PLEKHG1: variants seen among roughly 807,000 people sequenced by gnomAD.
PLEKHG1 encodes pleckstrin homology and RhoGEF domain containing G1, also known as pleckstrin homology domain-containing family G member 1.
Under a neutral mutation model 100.8 loss-of-function variants are expected in PLEKHG1, and 44 were observed. The ratio of observed to expected loss-of-function variants is 0.44; its 90% CI spans 0.34 to 0.56. The LOEUF (loss-of-function observed/expected upper bound fraction) is 0.56, where lower values mean the gene tolerates loss of function less well. Ranked by LOEUF, PLEKHG1 falls within the 20% of genes least tolerant of loss-of-function variation. PLEKHG1 has a pLI of 0.01. For missense variants in PLEKHG1, 1,545 were observed against 1,720.9 expected (o/e 0.90, Z 1.81); for synonymous variants, 640 against 662.5 (o/e 0.97, Z 0.52).
chr6:150,683,249 G>A lies in PLEKHG1; in HGVS notation c.-99+32463G>A, dbSNP rs1779995650. On this transcript the variant is annotated intron_variant, in intron 3 of 3. Coordinates refer to the PLEKHG1 transcript ENST00000367326. This position sits in a 1 kb window ranked among gnomAD's most constrained non-coding sequence, Gnocchi z 4.0. ...GTCAACTCGTCATGATAGGACATTA[G>A]CAACAAACACCCATGAACGAAAGTT... Among the ~76,000 whole-genome samples, 1 of 152,200 alleles carries A rather than the reference G, an allele frequency of 6.6e-6. No homozygotes were observed. The highest frequency in any genetic ancestry group is 2.1e-4 in the South Asian group (1 of 4,824).
At chr6:150,701,810 CT>C (rs1165381215) in intron 3 of PLEKHG1, among the ~76,000 whole-genome samples, 1 of 151,932 alleles carries the variant, frequency 6.6e-6, no homozygotes, top group East Asian at 1.9e-4. Flanking sequence ...CTCTTTAAGC[CT>C]TTTGAAGCTT....
chr6:150,774,690 G>A (rs1784870677), intron 3 of PLEKHG1, among the ~76,000 whole-genome samples: 1 of 151,560 alleles, frequency 6.6e-6, no homozygotes, highest in African/African-American at 2.4e-5. Flanking sequence ...ACAGGCACAG[G>A]CCACCACGCC....
intron 7 of PLEKHG1, among the ~76,000 whole-genome samples, chr6:150,805,226 C>T (rs1786999197): frequency 1.3e-5 from 2 of 152,218 alleles, no homozygotes; most frequent in Non-Finnish European, 2.9e-5. Flanking sequence ...TGAGCCACCA[C>T]ACCCGGCCGA....
intron 1 of PLEKHG1, among the ~76,000 whole-genome samples, chr6:150,629,469 T>C (rs1279031223): frequency 1.4e-5 from 2 of 142,534 alleles, no homozygotes; most frequent in African/African-American, 2.5e-5. Context: ...AAACCATCCT[T>C]TTTTTTTTTG....
At chr6:150,822,177 A>AAAAAAC (rs1278144184) in intron 13 of PLEKHG1, among the ~76,000 whole-genome samples, 1 of 124,320 alleles carries the variant, frequency 8.0e-6, no homozygotes, top group Admixed American at 8.5e-5. Context: ...AAAAAAAAAA[A>AAAAAAC]AGAATAGGGC....
At chr6:150,787,067 A>T (rs2128653040) in intron 4 of PLEKHG1, among the ~76,000 whole-genome samples, 1 of 151,976 alleles carries the variant, frequency 6.6e-6, no homozygotes, top group Non-Finnish European at 1.5e-5. Flanking sequence ...TGAATGTTAG[A>T]AAAATATAAA....
Position 150,800,753 on chromosome 6 carries a change from A to C in PLEKHG1, c.664A>C (p.Lys222Gln), listed in dbSNP as rs1191095795. ...TGTGCTAACAGAGTGTATGAGGAAC[A>C]AGATACTGGCCAAATTCTTCAGGGA... Residue 222 changes from lysine to glutamine, a missense_variant, in exon 6 of 16, where the codon AAG (lysine) becomes CAG (glutamine). By Grantham distance (53) the Lys-to-Gln change is moderately conservative. Coordinates refer to ENST00000358517, the Ensembl canonical transcript of PLEKHG1. 3.7e-6 allele frequency: 6 copies of C among 1,614,040 alleles called. No homozygotes were observed. The East Asian group carries it at 1.1e-4, about 30-fold the overall frequency.
chr6:150,838,606 G>T (rs1777353710), intron 15 of PLEKHG1, among the ~76,000 whole-genome samples: 1 of 152,052 alleles, frequency 6.6e-6, no homozygotes, highest in African/African-American at 2.4e-5. Flanking sequence ...GTCATCTCTG[G>T]GCTCCCATCT....
chr6:150,641,023 C>T (rs1285878132), intron 2 of PLEKHG1, among the ~76,000 whole-genome samples: 1 of 152,100 alleles, frequency 6.6e-6, no homozygotes, highest in Non-Finnish European at 1.5e-5. Context: ...AGAGAATGCT[C>T]TAGCTTATCT....
chr6:150,759,088 G>C (rs535182169), intron 2 of PLEKHG1, among the ~76,000 whole-genome samples: 36 of 152,334 alleles, frequency 2.4e-4, no homozygotes, highest in African/African-American at 8.7e-4. Context: ...GAGGGATCAA[G>C]TGGCCCACCG....
At chr6:150,707,471 A>G (rs945339782) in intron 3 of PLEKHG1, among the ~76,000 whole-genome samples, 1 of 152,142 alleles carries the variant, frequency 6.6e-6, no homozygotes, top group Admixed American at 6.5e-5. Flanking sequence ...CAGATCATAT[A>G]AAGGAGTGGC....
chr6:150,649,705 T>C (rs533605111), intron 2 of PLEKHG1, among the ~76,000 whole-genome samples: 1 of 152,060 alleles, frequency 6.6e-6, no homozygotes, highest in Non-Finnish European at 1.5e-5. Context: ...GGTGAAACCC[T>C]GTCGCTACTA....
intron 3 of PLEKHG1, among the ~76,000 whole-genome samples, chr6:150,707,197 T>C (rs1378018129): frequency 6.6e-6 from 1 of 151,354 alleles, no homozygotes; most frequent in Non-Finnish European, 1.5e-5. Flanking sequence ...TAGAGACGGG[T>C]TTTGCCATGT....
intron 1 of PLEKHG1, among the ~76,000 whole-genome samples, chr6:150,721,566 C>T (rs771671452): frequency 6.6e-6 from 1 of 152,150 alleles, no homozygotes; most frequent in Non-Finnish European, 1.5e-5. Context: ...GCCGAATGCC[C>T]AACATTTTCA....
chr6:150,793,399 T>C (rs1786108825), intron 4 of PLEKHG1, among the ~76,000 whole-genome samples: 2 of 152,128 alleles, frequency 1.3e-5, no homozygotes, highest in Admixed American at 1.3e-4. Context: ...GACCCTGTCT[T>C]GAAATAAAAA....
rs763466836 is a variant in PLEKHG1, at chr6:150,831,756, G to A, written c.2645G>A (p.Arg882Gln). The change falls in exon 15 of 16, where the codon CGG becomes CAG. Residue 882 changes from arginine (R) to glutamine (Q), a missense_variant. Physicochemically the swap from Arg to Gln is conservative, Grantham distance 43 (BLOSUM62 1). Transcript: ENST00000358517. The surrounding 1 kb of genome is among the most constrained non-coding windows in gnomAD (Gnocchi z 4.1). ...GCAGAGAGCACCCCTGAGCTGAGCC[G>A]GGACGTGGGGCGCTCTGTGTCCACG... is the stretch of plus-strand genomic sequence containing the variant. 2.9e-5 allele frequency: 47 copies of A among 1,613,538 alleles called. No individual in the cohort carries two copies. Among genetic ancestry groups the A allele is most frequent in the South Asian group, 2.7e-4 (25 of 91,084 alleles).
At chr6:150,810,496 G>T (rs939755894) in intron 10 of PLEKHG1, among the ~76,000 whole-genome samples, 1 of 139,464 alleles carries the variant, frequency 7.2e-6, no homozygotes, top group Admixed American at 7.0e-5. Flanking sequence ...AGGAAGGAAG[G>T]AGGGAAAGAA....
intron 3 of PLEKHG1, among the ~76,000 whole-genome samples, chr6:150,777,965 C>T (rs1423775041): frequency 3.3e-5 from 5 of 152,242 alleles, no homozygotes; most frequent in African/African-American, 1.2e-4. Context: ...ATTCCAGGCC[C>T]CGACTGTGCT....
intron 3 of PLEKHG1, among the ~76,000 whole-genome samples, chr6:150,785,299 T>C (rs1029881279): frequency 2.0e-5 from 3 of 152,212 alleles, no homozygotes; most frequent in Non-Finnish European, 4.4e-5. Context: ...ACTTCACTTT[T>C]TATTAAATAT....
Sources: allele counts gnomAD v4.1 joint callset (sites outside exome capture counted in the v4.1 genomes callset), GRCh38; gene constraint gnomAD v4.1.1; non-coding constraint Gnocchi (gnomAD v3.1); transcripts MANE v1.5; gene names NCBI Gene and HGNC (gene_info 2026-07-23, HGNC 2026-07-21).